SNX29: variants seen among roughly 807,000 people sequenced by gnomAD.
The protein encoded by SNX29 is sorting nexin-29.
Under a neutral mutation model 102.1 loss-of-function variants are expected in SNX29, and 78 were observed. The observed-to-expected ratio is 0.76, with a 90% CI of 0.64 to 0.92. SNX29 has a LOEUF of 0.92. Among genes scored for constraint, SNX29 ranks in the 40% least tolerant of loss-of-function variants. The pLI, the probability that SNX29 is intolerant of heterozygous loss-of-function variation, is 0.00. For synonymous variants in SNX29, 580 were observed against 414.5 expected, an observed-to-expected ratio of 1.40 and a Z score of -4.85; for missense variants, 1,280 against 1,061.7, an observed-to-expected ratio of 1.21 and a Z score of -2.86.
intron 15 of SNX29, among the ~76,000 whole-genome samples, chr16:12,335,259 T>G (rs1034472526): frequency 2.6e-5 from 4 of 151,576 alleles, no homozygotes; most frequent in African/African-American, 9.7e-5. Flanking sequence ...GGGGGAGGAG[T>G]CATCCAGACT....
At chr16:12,559,506 G>A (rs979174985) in intron 20 of SNX29, among the ~76,000 whole-genome samples, 3 of 151,868 alleles carry the variant, frequency 2.0e-5, no homozygotes, top group Non-Finnish European at 4.4e-5. Context: ...ATGTACAAAT[G>A]TAACACACTT....
chr16:12,568,316 A>AAAAT (rs1555465918), intron 20 of SNX29, among the ~76,000 whole-genome samples, 190 bp from the exon 21 acceptor site: 1 of 151,256 alleles, frequency 6.6e-6, no homozygotes. Flanking sequence ...AAAAAAAAAA[A>AAAAT]ATGGAAAGGT....
chr16:12,473,468 A>G (rs1324278246), intron 18 of SNX29, among the ~76,000 whole-genome samples: 1 of 152,162 alleles, frequency 6.6e-6, no homozygotes, highest in African/African-American at 2.4e-5. Flanking sequence ...CCAGCTACCC[A>G]CATTGCTGGC....
At position 12,078,931 on chromosome 16, in the gene SNX29, G is replaced by GC. The variant is rs1040943584; in HGVS notation, c.1402+21dup. On this transcript the variant is annotated intron_variant, in intron 11 of 20. Coordinates refer to ENST00000566228, the MANE Select transcript of SNX29 (RefSeq NM_032167.5). ...ATGACAATTAGTAAGTACTTTCGCA[G>GC]CCCCCTCCACCAGCTCTGGGATGAC... 6.3e-7 allele frequency: 1 copy of GC among 1,583,582 alleles called. No individual in the cohort carries two copies. The highest frequency in any genetic ancestry group is 1.8e-5 in the Admixed American group (1 of 55,388).
At chr16:12,275,320 A>G (rs539864090) in intron 14 of SNX29, among the ~76,000 whole-genome samples, 71 of 152,264 alleles carry the variant, frequency 4.7e-4, no homozygotes, top group African/African-American at 1.7e-3. Flanking sequence ...AGAATGGGAG[A>G]AACTCAGAAG....
At chr16:12,337,079 G>C (rs964986922) in intron 15 of SNX29, among the ~76,000 whole-genome samples, 1 of 152,176 alleles carries the variant, frequency 6.6e-6, no homozygotes, top group Non-Finnish European at 1.5e-5. Context: ...ATCTTGGGCA[G>C]CAGGTAGTGC....
chr16:12,149,278 C>T (rs951676144), intron 13 of SNX29, among the ~76,000 whole-genome samples: 8 of 152,198 alleles, frequency 5.3e-5, no homozygotes, highest in Non-Finnish European at 1.2e-4. Context: ...ACTTCTCGTA[C>T]AGAGGTTACC....
rs533440081 is a variant in SNX29 at position 12,215,716 on chromosome 16, C to T, written c.1678+16033C>T. Among the ~76,000 whole-genome samples, 13 of 152,326 alleles carry T rather than the reference C, an allele frequency of 8.5e-5. No homozygotes were observed. In the East Asian group the frequency reaches 1.2e-3, roughly 14 times the overall value. On this transcript the variant is annotated intron_variant, in intron 14 of 20. Coordinates refer to ENST00000566228, the MANE Select transcript of SNX29 (RefSeq NM_032167.5). ...GCTGTACCCAGAATTCCTCAGCTTG[C>T]ACAGCTTCCCCTTACCCTTTGTTTC...
chr16:12,564,225 TAA>T (rs1491225726), intron 20 of SNX29, among the ~76,000 whole-genome samples: 2 of 151,796 alleles, frequency 1.3e-5, no homozygotes, highest in Admixed American at 6.6e-5. Context: ...CCCACATCTC[TAA>T]GAGAAAAAAA....
chr16:12,319,625 G>T (rs1212048585), intron 15 of SNX29, among the ~76,000 whole-genome samples: 1 of 152,182 alleles, frequency 6.6e-6, no homozygotes. Context: ...ATCCTGGCAA[G>T]GAGTGAGGTA....
At chr16:12,338,360 G>C (rs541161224) in intron 15 of SNX29, among the ~76,000 whole-genome samples, 1 of 151,594 alleles carries the variant, frequency 6.6e-6, no homozygotes, top group Non-Finnish European at 1.5e-5. Flanking sequence ...GGGTAAATAA[G>C]GAAGCTCATC....
intron 19 of SNX29, among the ~76,000 whole-genome samples, chr16:12,510,814 C>T (rs2089583662): frequency 6.6e-6 from 1 of 152,016 alleles, no homozygotes; most frequent in African/African-American, 2.4e-5. Flanking sequence ...TACAATAGAG[C>T]CCACAGCTTT....
intron 19 of SNX29, among the ~76,000 whole-genome samples, chr16:12,492,712 G>T (rs1234852798): frequency 6.6e-6 from 1 of 152,138 alleles, no homozygotes; most frequent in Non-Finnish European, 1.5e-5. Context: ...TTTGTATAAG[G>T]TGTAAGGAAG....
chr16:12,379,294 A>T (rs946378547), intron 16 of SNX29, among the ~76,000 whole-genome samples: 2 of 152,110 alleles, frequency 1.3e-5, no homozygotes, highest in African/African-American at 2.4e-5. Context: ...CTAATTAAAA[A>T]TTTTTTTGTA....
chr16:12,167,578 T>A (rs1463895399), intron 13 of SNX29, among the ~76,000 whole-genome samples: 1 of 152,172 alleles, frequency 6.6e-6, no homozygotes, highest in Non-Finnish European at 1.5e-5. Flanking sequence ...ATCGCCACCA[T>A]TAAGTAATGA....
At chr16:12,567,205 C>G (rs751660705) in intron 20 of SNX29, among the ~76,000 whole-genome samples, 20 of 152,214 alleles carry the variant, frequency 1.3e-4, no homozygotes, top group Non-Finnish European at 2.1e-4. Flanking sequence ...ATCTTTGGTC[C>G]TTTCTAAACC....
At chr16:12,463,886 A>G (rs1452632138) in intron 18 of SNX29, among the ~76,000 whole-genome samples, 1 of 146,506 alleles carries the variant, frequency 6.8e-6, no homozygotes, top group African/African-American at 2.5e-5. Context: ...CTTTCTCATC[A>G]CATTTTGAGT....
intron 18 of SNX29, among the ~76,000 whole-genome samples, chr16:12,430,852 C>CTTTTT (rs56349621): frequency 7.2e-6 from 1 of 139,130 alleles, no homozygotes; most frequent in South Asian, 2.3e-4. Context: ...TTGACGCAGT[C>CTTTTT]TTTTTTTTTT....
intron 13 of SNX29, among the ~76,000 whole-genome samples, chr16:12,130,318 T>C (rs1168264076): frequency 2.7e-5 from 4 of 149,306 alleles, no homozygotes; most frequent in Non-Finnish European, 4.4e-5. Flanking sequence ...CTACTAAAAA[T>C]ACAAAAATTA....
Sources: gnomAD v4.1 joint callset for allele counts (sites outside exome capture counted in the v4.1 genomes callset) on GRCh38, gnomAD v4.1.1 for gene constraint, MANE v1.5 for transcripts, NCBI Gene and HGNC (gene_info 2026-07-23, HGNC 2026-07-21) for gene names.